PTPRM: variants seen among roughly 807,000 people sequenced by gnomAD.
The protein encoded by PTPRM is protein tyrosine phosphatase receptor type M, also known as receptor-type tyrosine-protein phosphatase mu.
PTPRM carries 47 observed loss-of-function variants against 186.7 expected under a neutral mutation model. The ratio of observed to expected loss-of-function variants is 0.25; its 90% confidence interval spans 0.20 to 0.32. The LOEUF (loss-of-function observed/expected upper bound fraction) is 0.32, where lower values mean the gene tolerates loss of function less well. PTPRM is among the 10% of genes least tolerant of loss of function. The probability of loss-of-function intolerance (pLI) is 1.00; values close to 1 mark genes in which losing one functional copy is unlikely to be tolerated. For missense variants in PTPRM, 1,494 were observed against 1,865.0 expected (o/e 0.80, Z 3.66); for synonymous variants, 668 against 674.9 (o/e 0.99, Z 0.16).
intron 14 of PTPRM, among the ~76,000 whole-genome samples, chr18:8,176,450 A>G (rs1253327666): frequency 1.3e-5 from 2 of 152,204 alleles, no homozygotes; most frequent in Admixed American, 1.3e-4. Context: ...AAACACAGAC[A>G]ATGTGATTTT....
chr18:8,248,204 T>A lies in PTPRM; in HGVS notation c.2554+28T>A, dbSNP rs79810641. 849 of 1,521,138 alleles carry A rather than the reference T, an allele frequency of 5.6e-4. 5 individuals are homozygous for A. In the African/African-American group the frequency reaches 0.01, roughly 19 times the overall value. 94.2% of individuals were successfully genotyped at this position (1,521,138 alleles called of 1,614,324 possible). The stretch of plus-strand genomic sequence containing the variant: ...GAGAACATTTCCCTTTACCACAGTT[T>A]ATTGCAGGAGTAATTTAGAAAGTCA... On this transcript the variant is annotated intron_variant, in intron 17 of 32. Coordinates refer to ENST00000580170, the MANE Select transcript of PTPRM (RefSeq NM_001105244.2).
chr18:7,928,439 A>T (rs941779958), intron 5 of PTPRM, among the ~76,000 whole-genome samples: 1 of 152,180 alleles, frequency 6.6e-6, no homozygotes, highest in Non-Finnish European at 1.5e-5. Context: ...TAAAATTCAG[A>T]ATTGTTTTCT....
chr18:8,266,300 G>T (rs1366025232), intron 19 of PTPRM, among the ~76,000 whole-genome samples: 5 of 149,830 alleles, frequency 3.3e-5, no homozygotes, highest in Admixed American at 3.3e-4. Context: ...ACCCCGCTTG[G>T]GTCCCCTTCC....
chr18:8,055,540 T>C (rs185655595), intron 7 of PTPRM, among the ~76,000 whole-genome samples: 162 of 152,356 alleles, frequency 1.1e-3, no homozygotes, highest in African/African-American at 3.9e-3. Context: ...ACGTATTACA[T>C]GTTCATTTTT....
At chr18:7,701,929 G>A (rs570582647) in intron 1 of PTPRM, among the ~76,000 whole-genome samples, 3 of 151,932 alleles carry the variant, frequency 2.0e-5, no homozygotes, top group Non-Finnish European at 4.4e-5. Flanking sequence ...TTCAACTCCC[G>A]TTTATGAGAA....
intron 1 of PTPRM, among the ~76,000 whole-genome samples, chr18:7,720,471 CTA>C (rs937737235): frequency 2.0e-5 from 3 of 152,138 alleles, no homozygotes; most frequent in Admixed American, 6.5e-5. Flanking sequence ...AATTAATAGA[CTA>C]TGTTTGATTG....
intron 4 of PTPRM, among the ~76,000 whole-genome samples, chr18:7,922,913 A>G (rs540992556): frequency 6.6e-6 from 1 of 152,300 alleles, no homozygotes; most frequent in Admixed American, 6.5e-5. Flanking sequence ...TATGATATGT[A>G]TTAGGGTTTC....
intron 32 of PTPRM, among the ~76,000 whole-genome samples, chr18:8,398,581 C>T (rs650719): frequency 1.3e-5 from 2 of 151,774 alleles, no homozygotes; most frequent in Non-Finnish European, 1.5e-5. Context: ...GCCTGGCCAA[C>T]CAACATGGTG....
intron 22 of PTPRM, among the ~76,000 whole-genome samples, chr18:8,329,529 T>G (rs1201420141): frequency 6.6e-6 from 1 of 152,162 alleles, no homozygotes; most frequent in African/African-American, 2.4e-5. Flanking sequence ...CTGAAACTAA[T>G]ACCCATGTAC....
intron 2 of PTPRM, among the ~76,000 whole-genome samples, chr18:7,809,566 G>A (rs374658778): frequency 6.6e-6 from 1 of 152,064 alleles, no homozygotes; most frequent in Non-Finnish European, 1.5e-5. Context: ...GTAGCTCCTC[G>A]GTCCTCCACG....
chr18:7,891,321 G>A (rs910732656), intron 3 of PTPRM, among the ~76,000 whole-genome samples: 1 of 150,116 alleles, frequency 6.7e-6, no homozygotes, highest in Admixed American at 6.6e-5. Context: ...AAAGAAAGCA[G>A]AATCTCTCTA....
chr18:8,387,955 A>C (rs1456548378), intron 31 of PTPRM, among the ~76,000 whole-genome samples: 3 of 151,854 alleles, frequency 2.0e-5, no homozygotes, highest in Non-Finnish European at 4.4e-5. Flanking sequence ...GAAAAAAAAA[A>C]AAAGCCCACA....
intron 3 of PTPRM, among the ~76,000 whole-genome samples, chr18:7,905,363 G>T (rs949357921): frequency 6.6e-6 from 1 of 152,136 alleles, no homozygotes; most frequent in African/African-American, 2.4e-5. Context: ...GCCATTCTTA[G>T]AACCTCCAGG....
chr18:8,261,200 A>G, intron 19 of PTPRM, among the ~76,000 whole-genome samples: 1 of 152,174 alleles, frequency 6.6e-6, no homozygotes, highest in East Asian at 1.9e-4. Flanking sequence ...GTCCCATAGG[A>G]TACAAAACAA....
chr18:7,785,714 C>T (rs557183118), intron 2 of PTPRM, among the ~76,000 whole-genome samples: 38 of 152,288 alleles, frequency 2.5e-4, no homozygotes, highest in Non-Finnish European at 4.4e-4. Flanking sequence ...GGTTGAGCCA[C>T]GTCTGCACTT....
At chr18:8,167,817 C>T (rs952762983) in intron 14 of PTPRM, among the ~76,000 whole-genome samples, 6 of 152,226 alleles carry the variant, frequency 3.9e-5, no homozygotes, top group Admixed American at 2.0e-4. Context: ...GAATGTGATA[C>T]AGCAGTTCCT....
At chr18:8,201,170 G>A (rs1568510335) in intron 14 of PTPRM, among the ~76,000 whole-genome samples, 1 of 152,076 alleles carries the variant, frequency 6.6e-6, no homozygotes, top group Non-Finnish European at 1.5e-5. Context: ...ACAAAAATTA[G>A]CCAGGCATGG....
chr18:7,924,856 G>A (rs2051078414), intron 4 of PTPRM, among the ~76,000 whole-genome samples: 1 of 152,158 alleles, frequency 6.6e-6, no homozygotes, highest in Non-Finnish European at 1.5e-5. Context: ...GAAGAGATAA[G>A]GAAAGGCACA....
chr18:7,983,615 A>G (rs2082676819), intron 7 of PTPRM, among the ~76,000 whole-genome samples: 1 of 152,124 alleles, frequency 6.6e-6, no homozygotes, highest in Admixed American at 6.5e-5. Context: ...TGCCTGGCAC[A>G]CTGTAGAAGC....
Sources: allele counts gnomAD v4.1 joint callset (sites outside exome capture counted in the v4.1 genomes callset), GRCh38; gene constraint gnomAD v4.1.1; transcripts MANE v1.5; gene names NCBI Gene and HGNC (gene_info 2026-07-23, HGNC 2026-07-21).